KANSL1L: variants seen among roughly 807,000 people sequenced by gnomAD.
KANSL1L encodes the protein KAT8 regulatory NSL complex subunit 1-like protein.
KANSL1L carries 25 observed loss-of-function variants against 108.6 expected under a neutral mutation model. The observed-to-expected ratio is 0.23, with a 90% CI of 0.17 to 0.32. The LOEUF (loss-of-function observed/expected upper bound fraction) is 0.32. KANSL1L is among the 10% of genes least tolerant of loss of function. The probability of loss-of-function intolerance (pLI) is 1.00; values close to 1 mark genes in which losing one functional copy is unlikely to be tolerated. For missense variants in KANSL1L, 1,137 were observed against 1,125.7 expected (o/e 1.01, Z -0.14); for synonymous variants, 405 against 395.1 (o/e 1.03, Z -0.30).
chr2:210,036,932 T>C (rs534065980), intron 8 of KANSL1L, among the ~76,000 whole-genome samples: 1 of 151,888 alleles, frequency 6.6e-6, no homozygotes, highest in Non-Finnish European at 1.5e-5. Context: ...AATTTTTGTA[T>C]TTTTTGTAGA....
chr2:210,139,514 C>T (rs1204687130), intron 2 of KANSL1L, among the ~76,000 whole-genome samples: 2 of 152,172 alleles, frequency 1.3e-5, no homozygotes, highest in African/African-American at 4.8e-5. Flanking sequence ...TGCTTGTTTA[C>T]ATTCCCACAG....
intron 6 of KANSL1L, among the ~76,000 whole-genome samples, chr2:210,069,954 G>A (rs543050753): frequency 1.3e-5 from 2 of 149,560 alleles, no homozygotes; most frequent in East Asian, 2.0e-4. Context: ...TCAGCCTCCC[G>A]AGTAGCTGGG....
chr2:210,138,130 A>G (rs940275349), intron 2 of KANSL1L, among the ~76,000 whole-genome samples: 1 of 152,260 alleles, frequency 6.6e-6, no homozygotes, highest in Non-Finnish European at 1.5e-5. Flanking sequence ...TGTTACATCG[A>G]AAGTACAAAT....
intron 3 of KANSL1L, among the ~76,000 whole-genome samples, chr2:210,108,151 A>C (rs2094868885): frequency 1.3e-5 from 2 of 152,214 alleles, no homozygotes; most frequent in Admixed American, 1.3e-4. Context: ...ATTTCAACTA[A>C]GTTGCATATA....
At chr2:210,074,259 A>G (rs2094527228) in intron 6 of KANSL1L, among the ~76,000 whole-genome samples, 1 of 152,086 alleles carries the variant, frequency 6.6e-6, no homozygotes, top group Non-Finnish European at 1.5e-5. Flanking sequence ...TCTCTTCACC[A>G]TAACCTTCAA....
chr2:210,107,226 A>C (rs1050871165), intron 3 of KANSL1L, among the ~76,000 whole-genome samples: 19 of 152,106 alleles, frequency 1.2e-4, no homozygotes, highest in Non-Finnish European at 1.5e-5. Context: ...GTTAATTTTA[A>C]GTAAAACTTT....
intron 5 of KANSL1L, among the ~76,000 whole-genome samples, chr2:210,082,684 AG>A: frequency 6.6e-6 from 1 of 152,368 alleles, no homozygotes. Flanking sequence ...TTCAAGGAAT[AG>A]CAGCAAATAG....
intron 8 of KANSL1L, among the ~76,000 whole-genome samples, chr2:210,038,698 T>C (rs1410203516): frequency 6.6e-6 from 1 of 151,978 alleles, no homozygotes; most frequent in Non-Finnish European, 1.5e-5. Flanking sequence ...GTTAGTGATA[T>C]CAGTTTTTAA....
chr2:210,164,869 GT>G (rs1374371688), intron 1 of KANSL1L, among the ~76,000 whole-genome samples: 4 of 111,250 alleles, frequency 3.6e-5, no homozygotes, highest in African/African-American at 1.0e-4. Flanking sequence ...TTTTTTTTTT[GT>G]TTTTTTTTGT....
At chr2:210,141,580 C>CT (rs947733785) in intron 2 of KANSL1L, among the ~76,000 whole-genome samples, 1 of 152,090 alleles carries the variant, frequency 6.6e-6, no homozygotes, top group Non-Finnish European at 1.5e-5. Context: ...AGCCTCCAGA[C>CT]TGTAAAATAA....
At chr2:210,081,168 C>T (rs138640348) in intron 5 of KANSL1L, among the ~76,000 whole-genome samples, 1 of 152,024 alleles carries the variant, frequency 6.6e-6, no homozygotes, top group Non-Finnish European at 1.5e-5. Flanking sequence ...TGGAGCACTT[C>T]CCAATGTTTC....
rs2095038586 is a variant in KANSL1L at position 210,123,363 on chromosome 2, A to G, written c.1230+5668T>C. On this transcript the variant is annotated intron_variant, in intron 3 of 14. Coordinates refer to ENST00000281772, the MANE Select transcript of KANSL1L (RefSeq NM_152519.4). ...CTATACAGTGATAAAAAAGACTGAG[A>G]TCCTGTCATTTGCAACAACGTGGAT... Among the ~76,000 whole-genome samples, 2 of 152,156 alleles carry G rather than the reference A, an allele frequency of 1.3e-5. 1 individual carries two copies. The highest frequency in any genetic ancestry group is 4.1e-4 in the South Asian group (2 of 4,832).
chr2:210,118,848 G>GA lies in KANSL1L; in HGVS notation c.1230+10182dup, dbSNP rs199816567. Among the ~76,000 whole-genome samples the GA allele has an allele frequency of 2.8e-3, 339 of 120,438 alleles. 1 individual carries two copies. The highest frequency in any genetic ancestry group is 3.3e-3 in the Admixed American group (37 of 11,088). 79.0% of individuals were successfully genotyped at this position (120,438 alleles called of 152,430 possible). A position where few individuals can be genotyped will look rare whatever the true frequency, so the allele number is the denominator to read the frequency against. Reference sequence around the variant, plus strand: ...AACAGAGTAAGACCCTGTCTCAAGAGAAAAAAAAAAAAAAAGTCCTCTATT... The same window carrying GA: ...AACAGAGTAAGACCCTGTCTCAAGAGAAAAAAAAAAAAAAAAGTCCTCTATT... On this transcript the variant is annotated intron_variant, in intron 3 of 14. Coordinates refer to ENST00000281772, the MANE Select transcript of KANSL1L (RefSeq NM_152519.4).
intron 5 of KANSL1L, chr2:210,079,704 A>ATATATATATGTATGTGTGTG (rs2094574410): frequency 4.6e-5 from 4 of 86,464 alleles, no homozygotes; most frequent in South Asian, 8.3e-4. Flanking sequence ...ATGTGTGTAT[A>ATATATATATGTATGTGTGTG]TATATATATA....
At chr2:210,136,423 C>A (rs969032520) in intron 2 of KANSL1L, among the ~76,000 whole-genome samples, 2 of 152,080 alleles carry the variant, frequency 1.3e-5, no homozygotes, top group Non-Finnish European at 2.9e-5. Flanking sequence ...TTTGTAAAAT[C>A]TTTGTGTAAC....
At chr2:210,159,690 C>A (rs1457304509) in intron 1 of KANSL1L, among the ~76,000 whole-genome samples, 1 of 152,122 alleles carries the variant, frequency 6.6e-6, no homozygotes, top group Non-Finnish European at 1.5e-5. Flanking sequence ...TACAAAACAA[C>A]AAAATATAGA....
intron 4 of KANSL1L, among the ~76,000 whole-genome samples, chr2:210,101,937 T>A (rs1253303139): frequency 6.6e-6 from 1 of 152,220 alleles, no homozygotes; most frequent in Non-Finnish European, 1.5e-5. Flanking sequence ...AGGAACAATG[T>A]AATGATGCAA....
At chr2:210,033,827 C>T (rs1274870467) in intron 8 of KANSL1L, among the ~76,000 whole-genome samples, 1 of 152,072 alleles carries the variant, frequency 6.6e-6, no homozygotes, top group Non-Finnish European at 1.5e-5. Flanking sequence ...CGTGAGCCAC[C>T]GCGCCCGGCC....
Position 210,171,299 on chromosome 2 carries a change from GCCGCCGCCGCC to G in KANSL1L, c.-191_-181del, listed in dbSNP as rs1688323345. 3 of 120 alleles carry G rather than the reference GCCGCCGCCGCC, an allele frequency of 0.025. No homozygotes were observed. The highest frequency in any genetic ancestry group is 0.043 in the Non-Finnish European group (3 of 70). 0.0% of individuals were successfully genotyped at this position (120 alleles called of 1,614,324 possible). A position where few individuals can be genotyped will look rare whatever the true frequency, so the allele number is the denominator to read the frequency against. On this transcript the variant is annotated 5_prime_UTR_variant, in exon 1 of 15. Transcript: ENST00000281772. ...AGCGCGCCCCGCTCCCGCCCCGGCC[GCCGCCGCCGCC>G]GCCGCCGCCGCCGCCGCCGCCGCCG... is the stretch of plus-strand genomic sequence containing the variant.
Sources: allele counts gnomAD v4.1 joint callset (sites outside exome capture counted in the v4.1 genomes callset), GRCh38; gene constraint gnomAD v4.1.1; transcripts MANE v1.5; gene names NCBI Gene and HGNC (gene_info 2026-07-23, HGNC 2026-07-21).